Variants in CCDC171 observed in about 807,000 individuals in gnomAD.
The protein encoded by CCDC171 is coiled-coil domain-containing protein 171.
Under a neutral mutation model 168.2 loss-of-function variants are expected in CCDC171, and 177 were observed. That is an observed-to-expected ratio of 1.05 (90% CI 0.93 to 1.19). The LOEUF is 1.19. Among genes scored for constraint, CCDC171 ranks in the 50% most tolerant of loss-of-function variants. CCDC171 has a pLI of 0.00. For missense variants in CCDC171, 1,991 were observed against 1,539.0 expected, an observed-to-expected ratio of 1.29 and a Z score of -4.91; for synonymous variants, 687 against 540.8, an observed-to-expected ratio of 1.27 and a Z score of -3.75.
intron 4 of CCDC171, among the ~76,000 whole-genome samples, chr9:15,584,812 A>T (rs1022166848): frequency 1.7e-4 from 26 of 152,300 alleles, no homozygotes; most frequent in Non-Finnish European, 3.7e-4. Flanking sequence ...TAGTTACACG[A>T]CTACCTGGAA....
chr9:15,574,785 C>T (rs190333321), intron 3 of CCDC171, among the ~76,000 whole-genome samples: 13 of 152,254 alleles, frequency 8.5e-5, no homozygotes, highest in African/African-American at 2.9e-4. Context: ...TTAAAGACTT[C>T]TGTAGGAGTT....
intron 11 of CCDC171, among the ~76,000 whole-genome samples, chr9:15,699,316 G>T (rs576946369): frequency 2.2e-4 from 34 of 152,142 alleles, no homozygotes; most frequent in Non-Finnish European, 4.0e-4. Context: ...GACCTTCGCG[G>T]TGAGTGTTAC....
At chr9:15,986,787 A>G (rs900934849) in intron 3 of CCDC171, among the ~76,000 whole-genome samples, 6 of 152,220 alleles carry the variant, frequency 3.9e-5, no homozygotes, top group African/African-American at 1.2e-4. Context: ...ATATATGGTC[A>G]TTAACACAGA....
chr9:15,986,778 T>C (rs1039755139), intron 3 of CCDC171, among the ~76,000 whole-genome samples: 16 of 152,204 alleles, frequency 1.1e-4, no homozygotes, highest in African/African-American at 3.9e-4. Context: ...TGTTTGTTCA[T>C]ATATGGTCAT....
At chr9:15,578,451 A>G (rs2040849932) in intron 3 of CCDC171, among the ~76,000 whole-genome samples, 2 of 129,286 alleles carry the variant, frequency 1.5e-5, no homozygotes, top group Admixed American at 1.6e-4. Flanking sequence ...TATTATTATT[A>G]TTGAGACAGG....
intron 4 of CCDC171, among the ~76,000 whole-genome samples, chr9:15,587,348 A>G (rs768940164): frequency 2.6e-5 from 4 of 152,108 alleles, no homozygotes; most frequent in Non-Finnish European, 5.9e-5. Flanking sequence ...TTCTTGTGAT[A>G]TGGGTCTCAC....
At chr9:15,762,866 C>A (rs2056527421) in intron 18 of CCDC171, among the ~76,000 whole-genome samples, 1 of 152,120 alleles carries the variant, frequency 6.6e-6, no homozygotes, top group Non-Finnish European at 1.5e-5. Context: ...TCAAGAATTT[C>A]ATAAATTTTA....
the CCDC171 span, among the ~76,000 whole-genome samples, chr9:16,099,282 G>C: frequency 2.6e-5 from 4 of 152,288 alleles, no homozygotes; most frequent in African/African-American, 9.6e-5. Context: ...GGTGCACCCT[G>C]TTCCCCCTGG....
intron 24 of CCDC171, chr9:15,885,443 T>C (rs924191426): frequency 6.6e-6 from 1 of 152,188 alleles, no homozygotes. Flanking sequence ...TTAATACTTA[T>C]TATTGAGAGA....
intron 25 of CCDC171, among the ~76,000 whole-genome samples, chr9:15,959,570 C>G (rs940945194): frequency 6.6e-6 from 1 of 151,924 alleles, no homozygotes; most frequent in South Asian, 2.1e-4. Flanking sequence ...AGCTTTGAAA[C>G]CTGTGTCAAA....
intron 21 of CCDC171, among the ~76,000 whole-genome samples, chr9:15,805,551 T>C (rs1418781555): frequency 6.6e-6 from 1 of 152,182 alleles, no homozygotes; most frequent in Non-Finnish European, 1.5e-5. Flanking sequence ...AATTGTGTGT[T>C]TTCCAGTGAA....
chr9:15,933,338 T>C (rs762585573), intron 25 of CCDC171, among the ~76,000 whole-genome samples: 3 of 151,928 alleles, frequency 2.0e-5, no homozygotes, highest in Non-Finnish European at 4.4e-5. Context: ...TGATCCTTTA[T>C]ATTTCTGTGG....
intron 25 of CCDC171, among the ~76,000 whole-genome samples, chr9:15,947,528 T>C (rs1828552167): frequency 6.6e-6 from 1 of 152,064 alleles, no homozygotes; most frequent in Non-Finnish European, 1.5e-5. Context: ...CATAGTAGCA[T>C]ATATCAGCAT....
intron 6 of CCDC171, among the ~76,000 whole-genome samples, chr9:15,613,471 T>G (rs1198549792): frequency 1.3e-5 from 2 of 150,900 alleles, no homozygotes; most frequent in African/African-American, 4.8e-5. Flanking sequence ...TACATACATT[T>G]AAGAAAGCTT....
intron 18 of CCDC171, among the ~76,000 whole-genome samples, chr9:15,761,409 A>G (rs2056437580): frequency 6.6e-6 from 1 of 152,162 alleles, no homozygotes; most frequent in Non-Finnish European, 1.5e-5. Flanking sequence ...AAAAGTGCTG[A>G]GGCTTTATTG....
At position 15,812,718 on chromosome 9, in the gene CCDC171, G is replaced by A. The variant is rs142920006; in HGVS notation, c.3267+28024G>A. On this transcript the variant is annotated intron_variant, in intron 21 of 25. Transcript: ENST00000380701. Reference sequence around the variant, plus strand: ...AATTAAGGAATTTATCCTACTGTCAGGATAGAAGGATCTCTTGAGTTTTTG... The same window carrying A: ...AATTAAGGAATTTATCCTACTGTCAAGATAGAAGGATCTCTTGAGTTTTTG... Among the ~76,000 whole-genome samples, 118 of 152,264 alleles carry A rather than the reference G, an allele frequency of 7.7e-4. 1 individual carries two copies. The highest frequency in any genetic ancestry group is 2.6e-3 in the African/African-American group (110 of 41,560).
chr9:15,951,316 T>C (rs1468077248), intron 25 of CCDC171, among the ~76,000 whole-genome samples: 1 of 151,788 alleles, frequency 6.6e-6, no homozygotes. Flanking sequence ...ATCAACAGAA[T>C]ATACATTTTT....
At chr9:15,589,494 A>G (rs976244815) in intron 4 of CCDC171, among the ~76,000 whole-genome samples, 2 of 152,226 alleles carry the variant, frequency 1.3e-5, no homozygotes, top group African/African-American at 2.4e-5. Flanking sequence ...TTGTTAAACA[A>G]CATGTTAATG....
intron 3 of CCDC171, among the ~76,000 whole-genome samples, chr9:15,988,866 C>A (rs558938079): frequency 1.6e-4 from 24 of 152,252 alleles, no homozygotes; most frequent in Non-Finnish European, 2.9e-4. Flanking sequence ...TGCAAAGCGG[C>A]AGCAGGGCTG....
Sources: gnomAD v4.1 joint callset for allele counts (sites outside exome capture counted in the v4.1 genomes callset) on GRCh38, gnomAD v4.1.1 for gene constraint, MANE v1.5 for transcripts, NCBI Gene and HGNC (gene_info 2026-07-23, HGNC 2026-07-21) for gene names.